The following NDST4 variants were observed in gnomAD, a reference collection of about 807,000 sequenced individuals.
NDST4 encodes N-deacetylase and N-sulfotransferase 4, also known as N-heparan sulfate sulfotransferase 4.
Under a neutral mutation model 100.8 loss-of-function variants are expected in NDST4, and 63 were observed. The observed-to-expected ratio is 0.62, with a 90% CI of 0.51 to 0.77. NDST4 has a LOEUF of 0.77. Among genes scored for constraint, NDST4 ranks in the 30% least tolerant of loss-of-function variants. The pLI is 0.00. For synonymous variants in NDST4, 377 were observed against 361.8 expected (o/e 1.04, Z -0.48); for missense variants, 943 against 1,018.4 (o/e 0.93, Z 1.01).
Position 114,889,961 on chromosome 4 carries a change from C to T in NDST4, c.1537-19011G>A, listed in dbSNP as rs112985424. ...TTTTCGAAGGTATAATATATTCGCA[C>T]GAAGGGACAAAGTTGGGCCTGAAAA... On this transcript the variant is annotated intron_variant, in intron 6 of 13. Transcript: ENST00000264363. Among the ~76,000 whole-genome samples, 990 of 152,200 alleles carry T rather than the reference C, an allele frequency of 6.5e-3. 9 individuals are homozygous for T. The highest frequency in any genetic ancestry group is 0.023 in the African/African-American group (950 of 41,532).
At chr4:114,938,538 AT>A (rs1198346949) in intron 4 of NDST4, among the ~76,000 whole-genome samples, 2 of 152,236 alleles carry the variant, frequency 1.3e-5, no homozygotes, top group African/African-American at 4.8e-5. Flanking sequence ...AATTGAGGTT[AT>A]AAATGACAAT....
intron 2 of NDST4, among the ~76,000 whole-genome samples, chr4:114,995,977 A>G (rs1727152382): frequency 6.6e-6 from 1 of 152,158 alleles, no homozygotes. Context: ...TAGTATTTAT[A>G]TTCATGAAGA....
chr4:114,929,105 C>CCATCT (rs1725452816), intron 6 of NDST4, among the ~76,000 whole-genome samples: 35 of 121,974 alleles, frequency 2.9e-4, no homozygotes, highest in South Asian at 2.2e-3. Context: ...TCCATCCATC[C>CCATCT]ATCCATCCAT....
chr4:115,110,167 T>A (rs1729916084), intron 1 of NDST4, among the ~76,000 whole-genome samples: 1 of 151,990 alleles, frequency 6.6e-6, no homozygotes. Context: ...GAACTATATC[T>A]ATTAGAAATG....
At chr4:114,849,880 A>G (rs1346296518) in intron 8 of NDST4, among the ~76,000 whole-genome samples, 3 of 152,196 alleles carry the variant, frequency 2.0e-5, no homozygotes, top group African/African-American at 7.2e-5. Context: ...CAGATGTAAT[A>G]GTTATGAGGG....
chr4:114,950,212 A>G (rs1725960132), intron 4 of NDST4, among the ~76,000 whole-genome samples: 1 of 152,000 alleles, frequency 6.6e-6, no homozygotes, highest in Admixed American at 6.6e-5. Flanking sequence ...CTAATTCCCA[A>G]CACAAAGCTT....
intron 6 of NDST4, among the ~76,000 whole-genome samples, chr4:114,932,611 G>C (rs1725538670): frequency 6.6e-6 from 1 of 151,790 alleles, no homozygotes; most frequent in Admixed American, 6.6e-5. Flanking sequence ...AATATTCCTT[G>C]AAAAAACTGT....
intron 2 of NDST4, among the ~76,000 whole-genome samples, chr4:114,998,175 T>C (rs1039130380): frequency 8.5e-5 from 13 of 152,138 alleles, no homozygotes; most frequent in Admixed American, 7.9e-4. Flanking sequence ...TTCAGAATTC[T>C]TGCAGCTGTC....
At chr4:114,878,850 T>C (rs1724309551) in intron 6 of NDST4, among the ~76,000 whole-genome samples, 1 of 151,968 alleles carries the variant, frequency 6.6e-6, no homozygotes, top group Non-Finnish European at 1.5e-5. Flanking sequence ...AGATCATATC[T>C]TTTGTAAGCA....
chr4:115,030,544 T>C (rs1341490348), intron 2 of NDST4, among the ~76,000 whole-genome samples: 1 of 152,100 alleles, frequency 6.6e-6, no homozygotes, highest in African/African-American at 2.4e-5. Context: ...AAGGGAAGTC[T>C]TACAGGCAAG....
chr4:114,851,987 A>G (rs761280087), intron 8 of NDST4, among the ~76,000 whole-genome samples: 10 of 152,188 alleles, frequency 6.6e-5, no homozygotes, highest in Non-Finnish European at 1.5e-4. Context: ...TAGTCAAAGT[A>G]GTGAATTCAA....
intron 6 of NDST4, among the ~76,000 whole-genome samples, chr4:114,920,540 A>G (rs569575310): frequency 1.3e-5 from 2 of 152,316 alleles, no homozygotes; most frequent in African/African-American, 4.8e-5. Context: ...AATATCTTAA[A>G]TTGTGTTAGA....
chr4:114,984,451 G>C lies in NDST4; in HGVS notation c.979-7177C>G, dbSNP rs143455259. 5.4e-3 allele frequency among the ~76,000 whole-genome samples: 820 copies of C among 152,136 alleles called. 2 individuals carry two copies. The highest frequency in any genetic ancestry group is 8.3e-3 in the Non-Finnish European group (567 of 68,002). On this transcript the variant is annotated intron_variant, in intron 2 of 13. Transcript: ENST00000264363. ...CCCAAAGTGCTGGGATTACAGGCATGAGCAACGGCGCCAGGCCTAATACAG... is the reference window on the plus strand; with the variant it reads ...CCCAAAGTGCTGGGATTACAGGCATCAGCAACGGCGCCAGGCCTAATACAG...
At chr4:114,855,733 C>T (rs1254496313) in intron 7 of NDST4, among the ~76,000 whole-genome samples, 5 of 151,970 alleles carry the variant, frequency 3.3e-5, no homozygotes, top group Non-Finnish European at 1.5e-5. Flanking sequence ...TACTTTTTGC[C>T]TAGGATGACT....
intron 1 of NDST4, among the ~76,000 whole-genome samples, chr4:115,090,222 A>G (rs1236208034): frequency 6.6e-6 from 1 of 151,864 alleles, no homozygotes; most frequent in Non-Finnish European, 1.5e-5. Context: ...CTAGGCACAA[A>G]ACACAGCTAT....
intron 1 of NDST4, among the ~76,000 whole-genome samples, chr4:115,095,089 C>T (rs1466310396): frequency 1.3e-5 from 2 of 152,050 alleles, no homozygotes; most frequent in Non-Finnish European, 2.9e-5. Context: ...TGCATGTTCC[C>T]ACCTCATTCA....
chr4:115,009,187 T>G (rs1247392307), intron 2 of NDST4, among the ~76,000 whole-genome samples: 1 of 127,744 alleles, frequency 7.8e-6, no homozygotes, highest in Non-Finnish European at 1.7e-5. Context: ...AAAACTACTT[T>G]AAAGTTCATA....
intron 1 of NDST4, among the ~76,000 whole-genome samples, chr4:115,108,427 C>G (rs1010710688): frequency 6.6e-6 from 1 of 151,972 alleles, no homozygotes; most frequent in African/African-American, 2.4e-5. Context: ...TGTGAAATCA[C>G]TTTCCCTTCT....
intron 6 of NDST4, among the ~76,000 whole-genome samples, chr4:114,889,952 A>G (rs1168300985): frequency 5.3e-5 from 8 of 152,246 alleles, no homozygotes; most frequent in Admixed American, 2.6e-4. Flanking sequence ...AAGGTATAAT[A>G]TATTCGCACG....
Sources: gnomAD v4.1 joint callset for allele counts (sites outside exome capture counted in the v4.1 genomes callset) on GRCh38, gnomAD v4.1.1 for gene constraint, MANE v1.5 for transcripts, NCBI Gene and HGNC (gene_info 2026-07-23, HGNC 2026-07-21) for gene names.